Variants in NKAIN3 observed in about 807,000 individuals in gnomAD.
NKAIN3 encodes sodium/potassium transporting ATPase interacting 3.
NKAIN3 carries 25 observed loss-of-function variants against 30.2 expected under a neutral mutation model. That is an observed-to-expected ratio of 0.83 (90% CI 0.60 to 1.16). The LOEUF (loss-of-function observed/expected upper bound fraction) is 1.16. Among genes scored for constraint, NKAIN3 ranks in the 50% most tolerant of loss-of-function variants. NKAIN3 has a pLI of 0.00. For synonymous variants in NKAIN3, 91 were observed against 89.6 expected, an observed-to-expected ratio of 1.02 and a Z score of -0.09; for missense variants, 225 against 254.1, an observed-to-expected ratio of 0.89 and a Z score of 0.78.
At position 62,794,399 on chromosome 8, in the gene NKAIN3, G is replaced by A. The variant is rs189065465; in HGVS notation, c.471+47270G>A. Among the ~76,000 whole-genome samples the A allele has an allele frequency of 1.0e-3, 153 of 152,156 alleles. 1 individual carries two copies. Among genetic ancestry groups the A allele is most frequent in the Non-Finnish European group, 9.4e-4 (64 of 68,004 alleles). The stretch of plus-strand genomic sequence containing the variant: ...CAGTCACTAATGAATGCTATTAATA[G>A]ATAAAATGTCATCAGGCAAAAGCAG... On this transcript the variant is annotated intron_variant, in intron 4 of 6. Coordinates refer to ENST00000623646, the MANE Select transcript of NKAIN3 (RefSeq NM_001304533.3).
chr8:62,538,958 CTGTT>C (rs1808754072), intron 1 of NKAIN3, among the ~76,000 whole-genome samples: 1 of 152,020 alleles, frequency 6.6e-6, no homozygotes, highest in Non-Finnish European at 1.5e-5. Context: ...AAATAATTGC[CTGTT>C]TGTTTATCTG....
At chr8:62,937,928 G>A (rs1047297018) in intron 5 of NKAIN3, among the ~76,000 whole-genome samples, 4 of 152,004 alleles carry the variant, frequency 2.6e-5, no homozygotes, top group Non-Finnish European at 5.9e-5. Flanking sequence ...ATCATTGCCG[G>A]CTTTCTCCCA....
chr8:62,855,672 G>T lies in NKAIN3; in HGVS notation c.472-62781G>T, dbSNP rs576169476. The T allele has an allele frequency of 1.1e-4, 176 of 1,603,942 alleles. 2 individuals are homozygous for T. The highest frequency in any genetic ancestry group is 9.7e-4 in the South Asian group (88 of 90,856). On this transcript the variant is annotated intron_variant, in intron 4 of 6. Coordinates refer to ENST00000623646, the MANE Select transcript of NKAIN3 (RefSeq NM_001304533.3). ...TTCCTGAAGTGCTGCTGCAGCCCAG[G>T]GTTCTCAAAGCTGTCACTTCTGCAT... is the stretch of plus-strand genomic sequence containing the variant.
intron 1 of NKAIN3, among the ~76,000 whole-genome samples, chr8:62,369,033 T>G (rs959122520): frequency 1.3e-5 from 2 of 152,126 alleles, no homozygotes; most frequent in African/African-American, 4.8e-5. Flanking sequence ...AGGTAGCAAT[T>G]GAGCCCTTTG....
chr8:62,665,772 A>G lies in NKAIN3; in HGVS notation c.273+75978A>G, dbSNP rs1488080445. Reference sequence around the variant, plus strand: ...CAGTGATGCAGGGTCAGGGCTCACTATGATGCAAAGGTGTCTATGTGCCCA... The same window carrying G: ...CAGTGATGCAGGGTCAGGGCTCACTGTGATGCAAAGGTGTCTATGTGCCCA... On this transcript the variant is annotated intron_variant, in intron 3 of 6. Transcript: ENST00000623646. 3.3e-5 allele frequency among the ~76,000 whole-genome samples: 5 copies of G among 152,246 alleles called. No individual in the cohort carries two copies. The East Asian group carries it at 9.7e-4, about 29-fold the overall frequency.
At chr8:62,829,179 T>C (rs1238456116) in intron 4 of NKAIN3, among the ~76,000 whole-genome samples, 1 of 152,200 alleles carries the variant, frequency 6.6e-6, no homozygotes, top group African/African-American at 2.4e-5. Context: ...TCATGAGTTA[T>C]TGCCTTAATG....
At chr8:62,911,560 T>C (rs1821926716) in intron 4 of NKAIN3, among the ~76,000 whole-genome samples, 1 of 152,086 alleles carries the variant, frequency 6.6e-6, no homozygotes, top group South Asian at 2.1e-4. Context: ...GCAGTGACAC[T>C]GAAAGAAAAT....
chr8:62,443,288 TTTCAC>T (rs1361088125), intron 1 of NKAIN3, among the ~76,000 whole-genome samples: 3 of 152,140 alleles, frequency 2.0e-5, no homozygotes, highest in African/African-American at 7.2e-5. Context: ...ATTATGGACT[TTTCAC>T]TTATTATCTT....
At chr8:62,486,958 A>G (rs1253632620) in intron 1 of NKAIN3, among the ~76,000 whole-genome samples, 1 of 152,196 alleles carries the variant, frequency 6.6e-6, no homozygotes, top group Non-Finnish European at 1.5e-5. Context: ...ACGCCCACAA[A>G]AACACTCATC....
At chr8:62,278,781 A>G (rs528252885) in intron 1 of NKAIN3, among the ~76,000 whole-genome samples, 1 of 152,114 alleles carries the variant, frequency 6.6e-6, no homozygotes, top group Non-Finnish European at 1.5e-5. Flanking sequence ...TCTATCATTG[A>G]TGGACATTTA....
intron 5 of NKAIN3, among the ~76,000 whole-genome samples, chr8:62,993,926 C>T (rs1040313559): frequency 6.6e-6 from 1 of 152,178 alleles, no homozygotes; most frequent in East Asian, 1.9e-4. Context: ...TGCCCCATAA[C>T]TTATAAACCA....
intron 4 of NKAIN3, among the ~76,000 whole-genome samples, chr8:62,865,829 AG>A (rs537260014): frequency 6.6e-6 from 1 of 152,248 alleles, no homozygotes; most frequent in South Asian, 2.1e-4. Flanking sequence ...TAAACATGGG[AG>A]GGGGGCTCAA....
chr8:62,680,577 T>C (rs1028761919), intron 3 of NKAIN3, among the ~76,000 whole-genome samples: 2 of 152,196 alleles, frequency 1.3e-5, no homozygotes, highest in Non-Finnish European at 2.9e-5. Context: ...TATGCTGTTA[T>C]CAGAAATGGG....
At chr8:62,741,361 A>AG in intron 3 of NKAIN3, among the ~76,000 whole-genome samples, 1 of 118,226 alleles carries the variant, frequency 8.5e-6, no homozygotes, top group Middle Eastern at 4.1e-3. Flanking sequence ...AAGAGAGAGA[A>AG]AGAAGGAAGG....
At chr8:62,289,988 TA>T (rs747982373) in intron 1 of NKAIN3, among the ~76,000 whole-genome samples, 1 of 152,178 alleles carries the variant, frequency 6.6e-6, no homozygotes, top group Non-Finnish European at 1.5e-5. Flanking sequence ...CTAGGTATTT[TA>T]TTCTCTTTGA....
At chr8:62,571,351 G>A (rs989114408) in intron 1 of NKAIN3, among the ~76,000 whole-genome samples, 1 of 151,796 alleles carries the variant, frequency 6.6e-6, no homozygotes, top group Non-Finnish European at 1.5e-5. Flanking sequence ...GGCCAGTCAT[G>A]AGGTTGGTTG....
chr8:62,363,855 C>A (rs1265568704), intron 1 of NKAIN3, among the ~76,000 whole-genome samples: 5 of 151,896 alleles, frequency 3.3e-5, no homozygotes, highest in African/African-American at 1.2e-4. Context: ...AAGATAGTTT[C>A]TATTTTCAAG....
At chr8:62,421,304 G>A (rs1312334434) in intron 1 of NKAIN3, among the ~76,000 whole-genome samples, 1 of 152,104 alleles carries the variant, frequency 6.6e-6, no homozygotes, top group Non-Finnish European at 1.5e-5. Flanking sequence ...CAGAATCTTT[G>A]TCCCTACTTC....
chr8:62,451,256 C>T (rs183719096), intron 1 of NKAIN3, among the ~76,000 whole-genome samples: 148 of 151,204 alleles, frequency 9.8e-4, no homozygotes, highest in African/African-American at 3.5e-3. Flanking sequence ...CTTCTCTTCT[C>T]TTCTCCTCTT....
Sources: allele counts gnomAD v4.1 joint callset (sites outside exome capture counted in the v4.1 genomes callset), GRCh38; gene constraint gnomAD v4.1.1; transcripts MANE v1.5; gene names NCBI Gene and HGNC (gene_info 2026-07-23, HGNC 2026-07-21).